The following EEFSEC variants were observed in gnomAD, a reference collection of about 807,000 sequenced individuals.
EEFSEC encodes selenocysteine-specific elongation factor.
Under a neutral mutation model 42.1 loss-of-function variants are expected in EEFSEC, and 43 were observed. The ratio of observed to expected loss-of-function variants is 1.02; its 90% CI spans 0.80 to 1.32. The LOEUF (loss-of-function observed/expected upper bound fraction) is 1.32. Ranked by LOEUF, EEFSEC falls within the 40% of genes most tolerant of loss-of-function variation. EEFSEC has a pLI of 0.00. For missense variants in EEFSEC, 745 were observed against 803.6 expected, an observed-to-expected ratio of 0.93 and a Z score of 0.88; for synonymous variants, 354 against 339.1, an observed-to-expected ratio of 1.04 and a Z score of -0.48.
chr3:128,172,453 A>G (rs1053963108), intron 1 of EEFSEC, among the ~76,000 whole-genome samples: 4 of 152,212 alleles, frequency 2.6e-5, no homozygotes, highest in African/African-American at 9.6e-5. Flanking sequence ...AGTAGGGAGC[A>G]GTTATTGTTT....
At chr3:128,314,016 A>T (rs183949532) in intron 4 of EEFSEC, among the ~76,000 whole-genome samples, 9 of 151,866 alleles carry the variant, frequency 5.9e-5, no homozygotes, top group East Asian at 1.9e-4. Context: ...TATCTCCTCC[A>T]CTCTAGATGC....
chr3:128,316,516 G>A (rs538442026), intron 4 of EEFSEC, among the ~76,000 whole-genome samples: 65 of 152,220 alleles, frequency 4.3e-4, no homozygotes, highest in Non-Finnish European at 7.6e-4. Flanking sequence ...CGACAGGCAC[G>A]TGGTTTCCAG....
intron 6 of EEFSEC, among the ~76,000 whole-genome samples, chr3:128,390,772 C>T (rs2067903028): frequency 6.6e-6 from 1 of 152,198 alleles, no homozygotes; most frequent in Admixed American, 6.5e-5. Context: ...CTGCACCACT[C>T]GGGCACCCAC....
intron 6 of EEFSEC, 78 bp downstream of exon 6, chr3:128,358,451 C>T (rs550900331): frequency 9.0e-6 from 14 of 1,556,174 alleles, no homozygotes; most frequent in South Asian, 2.4e-5. Context: ...GCCAAGGTGG[C>T]GCTCCTTGGC....
At chr3:128,399,092 A>AAATC (rs1199943651) in intron 6 of EEFSEC, among the ~76,000 whole-genome samples, 1 of 127,120 alleles carries the variant, frequency 7.9e-6, no homozygotes, top group Non-Finnish European at 1.5e-5. Flanking sequence ...ATAAATAAAT[A>AAATC]AATAAATAAA....
At chr3:128,325,952 T>A (rs1364864647) in intron 4 of EEFSEC, among the ~76,000 whole-genome samples, 1 of 152,238 alleles carries the variant, frequency 6.6e-6, no homozygotes, top group African/African-American at 2.4e-5. Flanking sequence ...GGTGAATATT[T>A]CCAGTGATCC....
chr3:128,160,023 G>C (rs908828040), intron 1 of EEFSEC, among the ~76,000 whole-genome samples: 1 of 152,222 alleles, frequency 6.6e-6, no homozygotes, highest in African/African-American at 2.4e-5. Context: ...CCTGGCATAG[G>C]ATAGATATTT....
intron 1 of EEFSEC, 75 bp from the exon 2 acceptor site, chr3:128,246,761 C>T: frequency 6.6e-7 from 1 of 1,503,838 alleles, no homozygotes; most frequent in Non-Finnish European, 9.2e-7. Flanking sequence ...AGTGCTTTGA[C>T]CTGGGGCATT....
intron 4 of EEFSEC, among the ~76,000 whole-genome samples, chr3:128,327,280 C>G (rs1300614136): frequency 6.7e-6 from 1 of 148,990 alleles, no homozygotes; most frequent in East Asian, 1.9e-4. Flanking sequence ...CACCTCCCTG[C>G]ACTTTTCCCA....
chr3:128,194,316 C>G (rs1378753752), intron 1 of EEFSEC, among the ~76,000 whole-genome samples: 1 of 152,156 alleles, frequency 6.6e-6, no homozygotes, highest in East Asian at 1.9e-4. Flanking sequence ...TCTGTGCTGT[C>G]CTGAGGCCAT....
intron 1 of EEFSEC, among the ~76,000 whole-genome samples, chr3:128,159,396 C>T (rs917618216): frequency 6.6e-6 from 1 of 152,236 alleles, no homozygotes; most frequent in Non-Finnish European, 1.5e-5. Context: ...GCTTATGGCA[C>T]CTGGACTTCT....
rs139784318 is a variant in EEFSEC at position 128,211,837 on chromosome 3, C to G, written c.317-34999C>G. 6.9e-3 allele frequency among the ~76,000 whole-genome samples: 747 copies of G among 108,172 alleles called. 14 individuals carry two copies. Among genetic ancestry groups the G allele is most frequent in the African/African-American group, 0.025 (713 of 28,396 alleles). The allele number at this position is 108,172 out of a possible 152,430, so 71.0% of individuals were successfully genotyped here. ...GGCAAGAAATACATATACTTCTTTT[C>G]TTTTTCTTTTCTTTTTTTTTTTTTT... is the stretch of plus-strand genomic sequence containing the variant. On this transcript the variant is annotated intron_variant, in intron 1 of 6. Transcript: ENST00000254730.
Position 128,348,277 on chromosome 3 carries a change from C to CGTGTGTGTGTGTGTGCGTGTGTGTGTGT in EEFSEC, c.1443+6393_1443+6420dup, listed in dbSNP as rs1559933272. On this transcript the variant is annotated intron_variant, in intron 5 of 6. Coordinates refer to ENST00000254730, the MANE Select transcript of EEFSEC (RefSeq NM_021937.5). ...GCGTGTGTGTGTGTGTGTGCGTGTGCGTGTGTGTGTGTGTGCGTGTGTGTG... is the reference window on the plus strand; with the variant it reads ...GCGTGTGTGTGTGTGTGTGCGTGTGCGTGTGTGTGTGTGTGCGTGTGTGTGTGTGTGTGTGTGTGTGTGCGTGTGTGTG... 7.4e-4 allele frequency among the ~76,000 whole-genome samples: 58 copies of CGTGTGTGTGTGTGTGCGTGTGTGTGTGT among 78,032 alleles called. No homozygotes were observed. In the East Asian group the frequency reaches 0.017, roughly 23 times the overall value. 51.2% of individuals were successfully genotyped at this position (78,032 alleles called of 152,430 possible).
chr3:128,291,045 C>T (rs564482981), intron 4 of EEFSEC, among the ~76,000 whole-genome samples: 13 of 152,148 alleles, frequency 8.5e-5, no homozygotes, highest in East Asian at 7.7e-4. Context: ...CCACCGTGCC[C>T]GGCCTGTTTT....
At chr3:128,345,853 T>C (rs2067306520) in intron 5 of EEFSEC, among the ~76,000 whole-genome samples, 2 of 152,234 alleles carry the variant, frequency 1.3e-5, no homozygotes, top group Non-Finnish European at 2.9e-5. Flanking sequence ...CCTTCATTCA[T>C]ATATTCGGAT....
chr3:128,421,402 A>C, the EEFSEC span, among the ~76,000 whole-genome samples: 3 of 152,158 alleles, frequency 2.0e-5, no homozygotes, highest in Non-Finnish European at 4.4e-5. Context: ...GTCTCCTCAG[A>C]TCTTGCCTGT....
At chr3:128,367,573 C>A in intron 6 of EEFSEC, 2 of 939,042 alleles carry the variant, frequency 2.1e-6, no homozygotes, top group Non-Finnish European at 1.3e-6. Flanking sequence ...AGAGCCACAT[C>A]CTGTTTCCAC....
chr3:128,221,378 A>G (rs899152509), intron 1 of EEFSEC, among the ~76,000 whole-genome samples: 2 of 152,184 alleles, frequency 1.3e-5, no homozygotes, highest in African/African-American at 2.4e-5. Context: ...ATTAAGAAAA[A>G]AGACAAGAAG....
intron 1 of EEFSEC, among the ~76,000 whole-genome samples, chr3:128,195,964 G>C (rs951649598): frequency 1.3e-5 from 2 of 152,244 alleles, no homozygotes; most frequent in African/African-American, 4.8e-5. Context: ...CTAGACTTGG[G>C]CAATGGCATG....
Sources: allele counts gnomAD v4.1 joint callset (sites outside exome capture counted in the v4.1 genomes callset), GRCh38; gene constraint gnomAD v4.1.1; transcripts MANE v1.5; gene names NCBI Gene and HGNC (gene_info 2026-07-23, HGNC 2026-07-21).